WDR27: variants seen among roughly 807,000 people sequenced by gnomAD.
WDR27 encodes WD repeat domain 27.
WDR27 carries 100 observed loss-of-function variants against 114.4 expected under a neutral mutation model. The observed-to-expected ratio is 0.87, with a 90% CI of 0.74 to 1.03. The LOEUF (loss-of-function observed/expected upper bound fraction) is 1.03, where lower values mean the gene tolerates loss of function less well. WDR27 is among the 50% of genes least tolerant of loss of function. The probability of loss-of-function intolerance (pLI) is 0.00; values close to 1 mark genes in which losing one functional copy is unlikely to be tolerated. For missense variants in WDR27, 1,129 were observed against 1,092.9 expected (o/e 1.03, Z -0.47); for synonymous variants, 449 against 423.1 (o/e 1.06, Z -0.75).
intron 24 of WDR27, among the ~76,000 whole-genome samples, chr6:169,580,555 CTTT>C (rs1396462439): frequency 6.6e-6 from 1 of 152,128 alleles, no homozygotes; most frequent in African/African-American, 2.4e-5. Flanking sequence ...CCACGTGCTT[CTTT>C]ATCATGTTTA....
chr6:169,447,250 T>C, the WDR27 span, among the ~76,000 whole-genome samples: 1 of 152,232 alleles, frequency 6.6e-6, no homozygotes, highest in Non-Finnish European at 1.5e-5. Flanking sequence ...ATGAGCTGTG[T>C]TTTTATGTTA....
At position 169,643,798 on chromosome 6, in the gene WDR27, ATTTT is replaced by A; in HGVS notation, c.1658-16_1658-13del. ...CCACTGCCCATCTCCTGTTAAAAGA[ATTTT>A]AAAAAAAGACTTCTTAGAAAAGCCT... On this transcript the variant is annotated splice_polypyrimidine_tract_variant and intron_variant, in intron 16 of 25. Transcript: ENST00000448612. 1 of 1,606,204 alleles carries A rather than the reference ATTTT, an allele frequency of 6.2e-7. No homozygotes were observed. Among genetic ancestry groups the A allele is most frequent in the Non-Finnish European group, 8.5e-7 (1 of 1,175,508 alleles).
At chr6:169,635,171 G>T in intron 19 of WDR27, among the ~76,000 whole-genome samples, 1 of 151,802 alleles carries the variant, frequency 6.6e-6, no homozygotes, top group East Asian at 1.9e-4. Context: ...TTCGAGACCA[G>T]CCTGGCCAAC....
At chr6:169,648,228 C>T (rs985890576) in intron 15 of WDR27, among the ~76,000 whole-genome samples, 17 of 152,122 alleles carry the variant, frequency 1.1e-4, no homozygotes, top group South Asian at 4.1e-4. Flanking sequence ...CTGTGGGTGG[C>T]GTTGTAATGC....
chr6:169,586,077 C>G (rs989027253), intron 23 of WDR27, among the ~76,000 whole-genome samples: 2 of 152,136 alleles, frequency 1.3e-5, no homozygotes, highest in African/African-American at 2.4e-5. Context: ...AATTTGTTTC[C>G]TGGCACTGCT....
intron 25 of WDR27, among the ~76,000 whole-genome samples, chr6:169,530,283 A>G (rs923426710): frequency 6.6e-6 from 1 of 152,236 alleles, no homozygotes; most frequent in Non-Finnish European, 1.5e-5. Context: ...CCTCACACTG[A>G]TTGGTCCATG....
chr6:169,664,499 G>A, intron 7 of WDR27: 1 of 1,411,732 alleles, frequency 7.1e-7, no homozygotes, highest in Non-Finnish European at 9.2e-7. Context: ...TCACACGGCT[G>A]GCACATCAGC....
chr6:169,512,778 T>C (rs1022635139), intron 25 of WDR27, among the ~76,000 whole-genome samples: 6 of 152,212 alleles, frequency 3.9e-5, no homozygotes, highest in Admixed American at 1.3e-4. Context: ...AAGAAAGTCA[T>C]GTTTGACGTT....
At chr6:169,670,776 C>A (rs1034259864) in intron 3 of WDR27, 83 bp from the exon 4 acceptor site, 1 of 1,503,994 alleles carries the variant, frequency 6.6e-7, no homozygotes, top group Non-Finnish European at 9.1e-7. Context: ...GAGAATGTAA[C>A]CCTCTATTCT....
chr6:169,481,345 T>G (rs546158077), intron 25 of WDR27, among the ~76,000 whole-genome samples: 2 of 152,268 alleles, frequency 1.3e-5, no homozygotes, highest in African/African-American at 4.8e-5. Context: ...CTCTGTAAAA[T>G]GGACCAATCA....
At chr6:169,596,229 C>A (rs894855166) in intron 23 of WDR27, among the ~76,000 whole-genome samples, 2 of 151,976 alleles carry the variant, frequency 1.3e-5, no homozygotes, top group Non-Finnish European at 2.9e-5. Context: ...AAAAAAATGT[C>A]CAGGGACTCC....
At chr6:169,602,423 A>G (rs1403786136) in intron 22 of WDR27, 102 bp from the exon 23 acceptor site, 3 of 713,722 alleles carry the variant, frequency 4.2e-6, no homozygotes, top group Non-Finnish European at 7.2e-6. Context: ...AAAAAGGAAC[A>G]AAAGAATAAT....
intron 13 of WDR27, among the ~76,000 whole-genome samples, chr6:169,654,053 C>CA (rs1042090324): frequency 4.6e-5 from 7 of 152,110 alleles, no homozygotes; most frequent in African/African-American, 1.4e-4. Context: ...CATTCAGTTC[C>CA]AAAAAACAAA....
At chr6:169,655,231 G>C (rs534984330) in intron 13 of WDR27, among the ~76,000 whole-genome samples, 1 of 152,366 alleles carries the variant, frequency 6.6e-6, no homozygotes, top group South Asian at 2.1e-4. Context: ...GGGCAGGAGA[G>C]GCGGCGTGTG....
chr6:169,655,614 C>G (rs761666489), intron 13 of WDR27, among the ~76,000 whole-genome samples: 1 of 152,218 alleles, frequency 6.6e-6, no homozygotes, highest in Non-Finnish European at 1.5e-5. Context: ...TGAGAAGATT[C>G]ATTGTGATGA....
chr6:169,654,680 G>A (rs948570450), intron 13 of WDR27, among the ~76,000 whole-genome samples: 52 of 152,156 alleles, frequency 3.4e-4, no homozygotes, highest in African/African-American at 1.2e-3. Flanking sequence ...ACGCCTAAGT[G>A]AGAAGCCAGG....
At chr6:169,513,120 C>T (rs899765600) in intron 25 of WDR27, among the ~76,000 whole-genome samples, 1 of 152,070 alleles carries the variant, frequency 6.6e-6, no homozygotes, top group Non-Finnish European at 1.5e-5. Flanking sequence ...TCTTCTGTTT[C>T]GTGTTGTGCT....
chr6:169,522,989 A>G (rs1227486904), intron 25 of WDR27, among the ~76,000 whole-genome samples: 1 of 151,958 alleles, frequency 6.6e-6, no homozygotes, highest in African/African-American at 2.4e-5. Context: ...AATGAGATTT[A>G]AAAAGCAATA....
intron 25 of WDR27, among the ~76,000 whole-genome samples, chr6:169,544,591 C>G (rs939332538): frequency 6.6e-6 from 1 of 152,068 alleles, no homozygotes; most frequent in Non-Finnish European, 1.5e-5. Flanking sequence ...GGCACCACCA[C>G]GCCCAGCTAA....
Sources: allele counts gnomAD v4.1 joint callset (sites outside exome capture counted in the v4.1 genomes callset), GRCh38; gene constraint gnomAD v4.1.1; transcripts MANE v1.5; gene names NCBI Gene and HGNC (gene_info 2026-07-23, HGNC 2026-07-21).